The following PIK3R5 variants were observed in gnomAD, a reference collection of about 807,000 sequenced individuals.
PIK3R5 encodes phosphoinositide 3-kinase regulatory subunit 5.
A neutral mutation model predicts 94.9 loss-of-function variants in PIK3R5; 32 were observed. The ratio of observed to expected loss-of-function variants is 0.34; its 90% CI spans 0.25 to 0.45. PIK3R5 has a LOEUF of 0.45. Ranked by LOEUF, PIK3R5 falls within the 20% of genes least tolerant of loss-of-function variation. The pLI is 1.00. For synonymous variants in PIK3R5, 443 were observed against 479.4 expected (o/e 0.92, Z 0.99); for missense variants, 853 against 1,144.6 (o/e 0.75, Z 3.68).
intron 12 of PIK3R5, 103 bp downstream of exon 12, chr17:8,886,993 T>C: frequency 7.3e-7 from 1 of 1,372,452 alleles, no homozygotes. Flanking sequence ...GCCCAGGTCC[T>C]CCATGGGGGC....
chr17:8,953,503 T>C (rs1335629281), intron 1 of PIK3R5, among the ~76,000 whole-genome samples: 2 of 152,192 alleles, frequency 1.3e-5, no homozygotes, highest in African/African-American at 4.8e-5. Context: ...CATAGCACCG[T>C]GACCCACAGG....
At chr17:8,934,226 G>T (rs1450744910) in intron 1 of PIK3R5, among the ~76,000 whole-genome samples, 1 of 152,110 alleles carries the variant, frequency 6.6e-6, no homozygotes, top group Non-Finnish European at 1.5e-5. Context: ...AATTTATCAA[G>T]GTTACAGAAT....
intron 1 of PIK3R5, among the ~76,000 whole-genome samples, chr17:8,939,116 C>T (rs1325642349): frequency 1.3e-5 from 2 of 152,160 alleles, no homozygotes; most frequent in South Asian, 2.1e-4. Context: ...TCCAGGTGGT[C>T]ATTCTTCATC....
Position 8,880,622 on chromosome 17 carries a change from C to A in PIK3R5, c.*17G>T. On this transcript the variant is annotated 3_prime_UTR_variant, in exon 19 of 19. Transcript: ENST00000447110. ...GGTTGCCCCAGGGCTTCTGTCCAGT[C>A]TGGCGCTGGGCCCACACTAGGGCAG... 1 of 1,589,786 alleles carries A rather than the reference C, an allele frequency of 6.3e-7. No homozygotes were observed. Among genetic ancestry groups the A allele is most frequent in the Non-Finnish European group, 8.6e-7 (1 of 1,168,332 alleles).
chr17:8,952,738 T>C (rs905794390), intron 1 of PIK3R5, among the ~76,000 whole-genome samples: 1 of 152,230 alleles, frequency 6.6e-6, no homozygotes, highest in African/African-American at 2.4e-5. Flanking sequence ...TCAGATATTT[T>C]AGTGAAAAAT....
rs1234384451 is a variant in PIK3R5 at position 8,895,463 on chromosome 17, C to T, written c.413-1808G>A. Among the ~76,000 whole-genome samples, 7 of 152,176 alleles carry T rather than the reference C, an allele frequency of 4.6e-5. No homozygotes were observed. In the South Asian group the frequency reaches 1.4e-3, roughly 32 times the overall value. On this transcript the variant is annotated intron_variant, in intron 5 of 18. Coordinates refer to ENST00000447110, the MANE Select transcript of PIK3R5 (RefSeq NM_001142633.3). ...TTCTTCCAACACGCCCAGCCATTGG[C>T]TTCCAACCCCTCTGCCCTCCTGACC...
chr17:8,954,693 C>T (rs1008388958), intron 1 of PIK3R5, among the ~76,000 whole-genome samples: 10 of 152,034 alleles, frequency 6.6e-5, no homozygotes, highest in Non-Finnish European at 1.2e-4. Flanking sequence ...CCCAGCACTT[C>T]GGGAGGCCGA....
chr17:8,914,307 T>C (rs1407319243), intron 1 of PIK3R5, among the ~76,000 whole-genome samples: 1 of 152,192 alleles, frequency 6.6e-6, no homozygotes, highest in Non-Finnish European at 1.5e-5. Context: ...GAGTTGACAC[T>C]GGTATAAACA....
rs1006470411 is a variant in PIK3R5, at chr17:8,909,796, A to G, written c.104-622T>C. Among the ~76,000 whole-genome samples the G allele has an allele frequency of 4.6e-5, 7 of 152,088 alleles. No homozygotes were observed. The highest frequency in any genetic ancestry group is 4.6e-4 in the Admixed American group (7 of 15,272). On this transcript the variant is annotated intron_variant, in intron 2 of 18. Transcript: ENST00000447110. This position sits in a 1 kb window ranked among gnomAD's most constrained non-coding sequence, Gnocchi z 4.3. ...CTGTGGAAGCACCAGTTCTCCCACA[A>G]CCTCTCCTGCCCTGGTTTCCTACAG...
In PIK3R5 at chr17:8,917,324, G is replaced by A. The variant is rs1358915074; in HGVS notation, c.-13-5817C>T. ...CATACCCAAAATTAAATAAATAATC[G>A]AAATCAACCAGAATATGGGGGCAGG... is the stretch of plus-strand genomic sequence containing the variant. On this transcript the variant is annotated intron_variant, in intron 1 of 18. Transcript: ENST00000447110. Among the ~76,000 whole-genome samples the A allele has an allele frequency of 4.6e-5, 7 of 152,014 alleles. No individual in the cohort carries two copies. The South Asian group carries it at 6.2e-4, about 14-fold the overall frequency.
intron 1 of PIK3R5, among the ~76,000 whole-genome samples, chr17:8,928,613 G>T (rs1015622560): frequency 6.6e-6 from 1 of 152,178 alleles, no homozygotes; most frequent in African/African-American, 2.4e-5. Context: ...TATTCTAATT[G>T]CTGAAGGACA....
rs556251248 is a variant in PIK3R5 at position 8,949,080 on chromosome 17, C to T, written c.-14+16516G>A. ...TAGGAAAATAAACTGAGGCAAGAGG[C>T]GGGAGACAGCATGGTTCCTTTAGGG... On this transcript the variant is annotated intron_variant, in intron 1 of 18. Transcript: ENST00000447110. 2.4e-4 allele frequency among the ~76,000 whole-genome samples: 37 copies of T among 152,144 alleles called. No individual in the cohort carries two copies. In the East Asian group the frequency reaches 6.0e-3, roughly 25 times the overall value.
intron 1 of PIK3R5, among the ~76,000 whole-genome samples, chr17:8,961,982 A>G (rs972998207): frequency 1.3e-5 from 2 of 152,236 alleles, no homozygotes; most frequent in African/African-American, 4.8e-5. Flanking sequence ...AAGCAACCAA[A>G]CAAAAGCACC....
At chr17:8,950,232 T>G (rs1194492975) in intron 1 of PIK3R5, among the ~76,000 whole-genome samples, 1 of 152,270 alleles carries the variant, frequency 6.6e-6, no homozygotes, top group African/African-American at 2.4e-5. Flanking sequence ...TAGCTTCATC[T>G]GTAGGGACAT....
intron 1 of PIK3R5, among the ~76,000 whole-genome samples, chr17:8,919,060 A>G (rs2090681725): frequency 6.6e-6 from 1 of 152,240 alleles, no homozygotes; most frequent in African/African-American, 2.4e-5. Flanking sequence ...AGATAAGGAA[A>G]GATAGAGGAC....
chr17:8,962,471 G>T (rs941406479), intron 1 of PIK3R5, among the ~76,000 whole-genome samples: 1 of 152,190 alleles, frequency 6.6e-6, no homozygotes, highest in East Asian at 1.9e-4. Context: ...ACAATGAAAA[G>T]TTCTGATACT....
Position 8,881,021 on chromosome 17 carries a change from G to A in PIK3R5, c.2383-4C>T. 1 of 1,611,262 alleles carries A rather than the reference G, an allele frequency of 6.2e-7. No homozygotes were observed. The highest frequency in any genetic ancestry group is 1.1e-5 in the South Asian group (1 of 91,014). On this transcript the variant is annotated splice_region_variant and splice_polypyrimidine_tract_variant and intron_variant, in intron 17 of 18. Coordinates refer to ENST00000447110, the MANE Select transcript of PIK3R5 (RefSeq NM_001142633.3). This position sits in a 1 kb window ranked among gnomAD's most constrained non-coding sequence, Gnocchi z 4.8. ...CTTTGATCTGCGATGTGCTAATCTG[G>A]AAGGAAGGCCCAGGTCAGCCCCAAA... is the stretch of plus-strand genomic sequence containing the variant.
chr17:8,910,903 C>T (rs571476921), intron 2 of PIK3R5, among the ~76,000 whole-genome samples: 1 of 152,034 alleles, frequency 6.6e-6, no homozygotes, highest in Non-Finnish European at 1.5e-5. Flanking sequence ...CGCAACTGCC[C>T]GGGACTGCGG....
chr17:8,903,704 AT>A (rs1487612425), intron 5 of PIK3R5, among the ~76,000 whole-genome samples: 2 of 151,878 alleles, frequency 1.3e-5, no homozygotes, highest in Non-Finnish European at 2.9e-5. Context: ...TTTATTTTTT[AT>A]TTTTAATTGC....
Sources: allele counts gnomAD v4.1 joint callset (sites outside exome capture counted in the v4.1 genomes callset), GRCh38; gene constraint gnomAD v4.1.1; non-coding constraint Gnocchi (gnomAD v3.1); transcripts MANE v1.5; gene names NCBI Gene and HGNC (gene_info 2026-07-23, HGNC 2026-07-21).